ZFHX3: variants seen among roughly 807,000 people sequenced by gnomAD.
ZFHX3 encodes the protein zinc finger homeobox 3.
In ZFHX3, 42 loss-of-function variants were observed where a neutral mutation model predicts 279.1. The ratio of observed to expected loss-of-function variants is 0.15; its 90% CI spans 0.12 to 0.19. The LOEUF is 0.19. Ranked by LOEUF, ZFHX3 falls within the 10% of genes least tolerant of loss-of-function variation. The pLI is 1.00. For missense variants in ZFHX3, 4,981 were observed against 4,754.0 expected, an observed-to-expected ratio of 1.05 and a Z score of -1.40; for synonymous variants, 2,293 against 1,957.8, an observed-to-expected ratio of 1.17 and a Z score of -4.52.
intron 2 of ZFHX3, among the ~76,000 whole-genome samples, chr16:73,551,079 CG>C (rs2020197085): frequency 6.6e-6 from 1 of 152,170 alleles, no homozygotes; most frequent in Admixed American, 6.5e-5. Context: ...TTCTGTTACA[CG>C]AGAGATTGCT....
intron 2 of ZFHX3, among the ~76,000 whole-genome samples, chr16:73,627,967 T>C (rs922646): frequency 0.97 from 147,739 of 152,316 alleles, 71,680 homozygotes; most frequent in East Asian, 1. Flanking sequence ...GCATGAGAAG[T>C]AGCATGAAGA....
At chr16:73,839,671 C>A (rs1961248254) in intron 1 of ZFHX3, among the ~76,000 whole-genome samples, 1 of 152,212 alleles carries the variant, frequency 6.6e-6, no homozygotes, top group South Asian at 2.1e-4. Flanking sequence ...GTTCTCTTCA[C>A]TTCCCTAAGT....
intron 1 of ZFHX3, among the ~76,000 whole-genome samples, chr16:72,983,762 A>G (rs544926954): frequency 6.6e-6 from 1 of 151,424 alleles, no homozygotes; most frequent in African/African-American, 2.4e-5. Flanking sequence ...GCTCCATGCA[A>G]CTCTCCAACC....
chr16:73,528,698 T>G (rs574471652), intron 2 of ZFHX3, among the ~76,000 whole-genome samples: 2 of 152,330 alleles, frequency 1.3e-5, no homozygotes, highest in Admixed American at 1.3e-4. Context: ...ATTCCTGAAG[T>G]AGTGACGATG....
At chr16:73,132,509 C>G (rs1362283126) in intron 6 of ZFHX3, among the ~76,000 whole-genome samples, 1 of 152,152 alleles carries the variant, frequency 6.6e-6, no homozygotes, top group African/African-American at 2.4e-5. Context: ...TCTGTAGTTC[C>G]ACTCCTAGCA....
chr16:73,633,588 T>A (rs370153544), intron 2 of ZFHX3, among the ~76,000 whole-genome samples: 1 of 152,196 alleles, frequency 6.6e-6, no homozygotes, highest in Non-Finnish European at 1.5e-5. Flanking sequence ...ATTCTCTGGC[T>A]TTTCTCTATA....
chr16:73,126,205 G>A (rs1966567382), intron 7 of ZFHX3, among the ~76,000 whole-genome samples: 1 of 152,150 alleles, frequency 6.6e-6, no homozygotes, highest in South Asian at 2.1e-4. Flanking sequence ...GAGGACTTCA[G>A]AGAAGAGAAA....
intron 5 of ZFHX3, among the ~76,000 whole-genome samples, chr16:73,247,603 T>C (rs2013330146): frequency 6.6e-6 from 1 of 151,882 alleles, no homozygotes; most frequent in Non-Finnish European, 1.5e-5. Context: ...GATGTGTCTG[T>C]GTATATGTAC....
At chr16:73,394,529 A>T (rs1319986048) in intron 3 of ZFHX3, among the ~76,000 whole-genome samples, 1 of 152,058 alleles carries the variant, frequency 6.6e-6, no homozygotes, top group Non-Finnish European at 1.5e-5. Flanking sequence ...ACTCTTAGCC[A>T]CAAGTGATCC....
intron 1 of ZFHX3, among the ~76,000 whole-genome samples, chr16:73,835,818 T>C (rs1961132297): frequency 6.6e-6 from 1 of 152,108 alleles, no homozygotes; most frequent in South Asian, 2.1e-4. Flanking sequence ...AAAATTACAC[T>C]TAAATTTCCT....
chr16:73,087,850 G>A (rs1225296934), intron 8 of ZFHX3, among the ~76,000 whole-genome samples: 2 of 150,886 alleles, frequency 1.3e-5, no homozygotes, highest in East Asian at 1.9e-4. Context: ...TTTCTGAGAT[G>A]GAGTCTCGCT....
chr16:73,065,018 C>G (rs982737051), intron 8 of ZFHX3, among the ~76,000 whole-genome samples: 3 of 152,236 alleles, frequency 2.0e-5, no homozygotes, highest in Non-Finnish European at 4.4e-5. Context: ...GCAAGAGACC[C>G]TCGGTCGGGC....
At chr16:72,915,841 T>C (rs2039429118) in intron 3 of ZFHX3, among the ~76,000 whole-genome samples, 1 of 152,238 alleles carries the variant, frequency 6.6e-6, no homozygotes, top group Admixed American at 6.5e-5. Context: ...AAAAGTGTTA[T>C]TAATAAGTTA....
intron 5 of ZFHX3, among the ~76,000 whole-genome samples, chr16:73,214,894 A>G (rs1161810471): frequency 2.7e-5 from 3 of 109,650 alleles, no homozygotes; most frequent in African/African-American, 1.1e-4. Context: ...TCCAGGATTC[A>G]GGGTGAAGAA....
At chr16:73,172,174 G>A (rs1462102706) in intron 5 of ZFHX3, among the ~76,000 whole-genome samples, 1 of 152,166 alleles carries the variant, frequency 6.6e-6, no homozygotes, top group African/African-American at 2.4e-5. Context: ...AGAGGTTATG[G>A]ACACTCTGAG....
intron 1 of ZFHX3, among the ~76,000 whole-genome samples, chr16:73,745,505 G>C (rs1186209455): frequency 6.6e-6 from 1 of 152,200 alleles, no homozygotes; most frequent in Non-Finnish European, 1.5e-5. Flanking sequence ...AGATAATAGG[G>C]AGAGGTGAAG....
At chr16:73,857,545 A>G (rs1961766885) in intron 1 of ZFHX3, among the ~76,000 whole-genome samples, 1 of 152,128 alleles carries the variant, frequency 6.6e-6, no homozygotes, top group South Asian at 2.1e-4. Context: ...AGGAGAGGAA[A>G]AGCTACATTT....
At chr16:72,882,508 T>C (rs887783738) in intron 4 of ZFHX3, among the ~76,000 whole-genome samples, 1 of 152,174 alleles carries the variant, frequency 6.6e-6, no homozygotes, top group Non-Finnish European at 1.5e-5. Flanking sequence ...CGGCCAGGTC[T>C]AGATAACTGC....
intron 7 of ZFHX3, among the ~76,000 whole-genome samples, chr16:73,119,346 A>T (rs940197124): frequency 3.9e-5 from 6 of 152,096 alleles, no homozygotes; most frequent in African/African-American, 1.4e-4. Flanking sequence ...GGCTCAAGTG[A>T]TCCTTCCATC....
Sources: gnomAD v4.1 joint callset for allele counts (sites outside exome capture counted in the v4.1 genomes callset) on GRCh38, gnomAD v4.1.1 for gene constraint, MANE v1.5 for transcripts, NCBI Gene and HGNC (gene_info 2026-07-23, HGNC 2026-07-21) for gene names.